CADM2: variants seen among roughly 807,000 people sequenced by gnomAD.
CADM2 encodes immunoglobulin superfamily member 4D.
CADM2 carries 12 observed loss-of-function variants against 49.8 expected under a neutral mutation model. The observed-to-expected ratio is 0.24, with a 90% CI of 0.15 to 0.39. The LOEUF is 0.39. Among genes scored for constraint, CADM2 ranks in the 10% least tolerant of loss-of-function variants. CADM2 has a pLI of 1.00. For missense variants in CADM2, 378 were observed against 492.3 expected (o/e 0.77, Z 2.20); for synonymous variants, 214 against 175.4 (o/e 1.22, Z -1.74).
At chr3:85,520,399 C>T (rs946887951) in intron 1 of CADM2, among the ~76,000 whole-genome samples, 1 of 151,822 alleles carries the variant, frequency 6.6e-6, no homozygotes, top group Non-Finnish European at 1.5e-5. Flanking sequence ...GCATATATAT[C>T]TAAATATATT....
chr3:85,146,945 G>C (rs934508175), intron 1 of CADM2, among the ~76,000 whole-genome samples: 5 of 151,646 alleles, frequency 3.3e-5, no homozygotes, highest in African/African-American at 1.2e-4. Flanking sequence ...GTGGATTAAG[G>C]GGGGAAAAAA....
At chr3:85,399,559 A>G (rs1403550589) in intron 1 of CADM2, among the ~76,000 whole-genome samples, 2 of 152,142 alleles carry the variant, frequency 1.3e-5, no homozygotes, top group Non-Finnish European at 2.9e-5. Context: ...TCTATAACAT[A>G]CCTTGGGCAG....
At chr3:85,132,551 A>G (rs1441022055) in intron 1 of CADM2, among the ~76,000 whole-genome samples, 1 of 151,350 alleles carries the variant, frequency 6.6e-6, no homozygotes, top group Admixed American at 6.6e-5. Flanking sequence ...TTTTTGCAGT[A>G]TTTTACTTTC....
At chr3:85,340,680 T>C (rs149292720) in intron 1 of CADM2, among the ~76,000 whole-genome samples, 22 of 151,818 alleles carry the variant, frequency 1.4e-4, no homozygotes, top group African/African-American at 5.1e-4. Flanking sequence ...CATGGTAAAA[T>C]TGAATAGAAT....
chr3:85,786,680 T>C (rs1012946391), intron 2 of CADM2, among the ~76,000 whole-genome samples: 1 of 152,048 alleles, frequency 6.6e-6, no homozygotes, highest in African/African-American at 2.4e-5. Context: ...TTGAACACAA[T>C]GTTTATGTGT....
intron 3 of CADM2, among the ~76,000 whole-genome samples, chr3:85,865,308 T>A (rs903456304): frequency 6.6e-6 from 1 of 152,208 alleles, no homozygotes; most frequent in Non-Finnish European, 1.5e-5. Context: ...AGACCTGTAG[T>A]TTTCATTGTA....
At chr3:85,157,973 T>G (rs987567568) in intron 1 of CADM2, among the ~76,000 whole-genome samples, 1 of 151,782 alleles carries the variant, frequency 6.6e-6, no homozygotes, top group Non-Finnish European at 1.5e-5. Context: ...GAATCTACAA[T>G]GAACTCAAAC....
At chr3:85,426,509 G>A (rs761343492) in intron 1 of CADM2, among the ~76,000 whole-genome samples, 14 of 152,068 alleles carry the variant, frequency 9.2e-5, no homozygotes, top group South Asian at 2.1e-4. Context: ...TGGGTACACC[G>A]TAGGTGTATA....
At chr3:85,539,393 A>G (rs1030080920) in intron 1 of CADM2, among the ~76,000 whole-genome samples, 1 of 152,118 alleles carries the variant, frequency 6.6e-6, no homozygotes, top group South Asian at 2.1e-4. Flanking sequence ...CATGCGAAGC[A>G]TTTGAAGTTT....
At chr3:85,600,219 A>G (rs1402623782) in intron 1 of CADM2, among the ~76,000 whole-genome samples, 1 of 151,884 alleles carries the variant, frequency 6.6e-6, no homozygotes, top group East Asian at 1.9e-4. Context: ...CCTCTCCACA[A>G]TAATCATAGA....
intron 4 of CADM2, among the ~76,000 whole-genome samples, chr3:85,885,486 CA>C (rs1324279624): frequency 1.3e-5 from 2 of 151,916 alleles, no homozygotes; most frequent in African/African-American, 2.4e-5. Context: ...GCCTGGCCAA[CA>C]TGGAGAACCA....
At chr3:85,465,669 T>C (rs2038460578) in intron 1 of CADM2, among the ~76,000 whole-genome samples, 1 of 152,206 alleles carries the variant, frequency 6.6e-6, no homozygotes, top group Non-Finnish European at 1.5e-5. Context: ...ATTATAGGCG[T>C]GTTACATTTA....
At chr3:84,977,069 A>T (rs1231884963) in intron 1 of CADM2, among the ~76,000 whole-genome samples, 1 of 151,948 alleles carries the variant, frequency 6.6e-6, no homozygotes, top group Non-Finnish European at 1.5e-5. Flanking sequence ...CAGAAAAGAG[A>T]CTATGCTGGT....
At chr3:85,308,362 A>G (rs1227042360) in intron 1 of CADM2, among the ~76,000 whole-genome samples, 2 of 150,016 alleles carry the variant, frequency 1.3e-5, no homozygotes, top group African/African-American at 4.9e-5. Context: ...TTACAAGCCT[A>G]TAAATCCTAT....
intron 1 of CADM2, among the ~76,000 whole-genome samples, chr3:85,247,654 A>G (rs572282237): frequency 1.3e-5 from 2 of 152,276 alleles, no homozygotes; most frequent in African/African-American, 4.8e-5. Flanking sequence ...CTGCGAATTG[A>G]CTTGGAATAG....
At chr3:85,152,884 A>C (rs2039972923) in intron 1 of CADM2, among the ~76,000 whole-genome samples, 1 of 151,578 alleles carries the variant, frequency 6.6e-6, no homozygotes, top group African/African-American at 2.4e-5. Flanking sequence ...GAATGGCGTG[A>C]ACCCAGGAGG....
chr3:85,371,694 T>TAA (rs2033250824), intron 1 of CADM2, among the ~76,000 whole-genome samples: 2 of 142,050 alleles, frequency 1.4e-5, no homozygotes, highest in Non-Finnish European at 3.1e-5. Flanking sequence ...TATATATATA[T>TAA]ATATATATAT....
Position 85,848,441 on chromosome 3 carries a change from T to G in CADM2, c.239-34850T>G, listed in dbSNP as rs565652598. On this transcript the variant is annotated intron_variant, in intron 3 of 9. Coordinates refer to ENST00000383699, the MANE Select transcript of CADM2 (RefSeq NM_001167675.2). ...ATATAACATTTTGAGAAGGAGATAA[T>G]TAAACCATAAAATAATCAAAATTTA... is the stretch of plus-strand genomic sequence containing the variant. Among the ~76,000 whole-genome samples, 7 of 152,278 alleles carry G rather than the reference T, an allele frequency of 4.6e-5. No individual in the cohort carries two copies. The South Asian group carries it at 1.4e-3, about 32-fold the overall frequency.
intron 1 of CADM2, among the ~76,000 whole-genome samples, chr3:85,488,622 C>G (rs549728729): frequency 5.4e-4 from 82 of 152,188 alleles, no homozygotes; most frequent in Middle Eastern, 3.4e-3. Context: ...ACCTCCGACT[C>G]CCTGGTTCAA....
Sources: allele counts gnomAD v4.1 joint callset (sites outside exome capture counted in the v4.1 genomes callset), GRCh38; gene constraint gnomAD v4.1.1; transcripts MANE v1.5; gene names NCBI Gene and HGNC (gene_info 2026-07-23, HGNC 2026-07-21).